The following TRPC6 variants were observed in gnomAD, a reference collection of about 807,000 sequenced individuals.
The protein encoded by TRPC6 is transient receptor potential cation channel subfamily C member 6, also known as short transient receptor potential channel 6.
Under a neutral mutation model 90.7 loss-of-function variants are expected in TRPC6, and 55 were observed. The ratio of observed to expected loss-of-function variants is 0.61; its 90% CI spans 0.49 to 0.76. The LOEUF is 0.76. TRPC6 is among the 30% of genes least tolerant of loss of function. The pLI, the probability that TRPC6 is intolerant of heterozygous loss-of-function variation, is 0.00. For missense variants in TRPC6, 989 were observed against 1,122.7 expected (o/e 0.88, Z 1.70); for synonymous variants, 393 against 393.0 (o/e 1.00, Z 0.00).
chr11:101,521,135 A>T (rs1241591838), intron 1 of TRPC6, among the ~76,000 whole-genome samples: 2 of 152,224 alleles, frequency 1.3e-5, no homozygotes, highest in African/African-American at 4.8e-5. Flanking sequence ...AAAATGCTTC[A>T]AAGGCATTTC....
At position 101,472,261 on chromosome 11, in the gene TRPC6, T is replaced by C. The variant is rs200154450; in HGVS notation, c.2081A>G (p.Asn694Ser). 5.0e-6 allele frequency: 8 copies of C among 1,613,358 alleles called. No individual in the cohort carries two copies. The African/African-American group carries it at 9.3e-5, about 19-fold the overall frequency. The change falls in exon 8 of 13, where the codon AAC becomes AGC. Residue 694 changes from asparagine to serine, a missense_variant. Asn to Ser is a conservative substitution (Grantham distance 46, BLOSUM62 1). Transcript: ENST00000344327. ...GLSEVKSVVI[N>S]YNHKFIENIG... is the part of the protein sequence containing the mutation. ...GTTTTCAATGAATTTGTGGTTATAG[T>C]TGATGACCACTGATTTCACTTCAGA...
chr11:101,536,160 G>T (rs1200427612), intron 1 of TRPC6, among the ~76,000 whole-genome samples: 3 of 152,200 alleles, frequency 2.0e-5, no homozygotes. Flanking sequence ...GCCAAGATGG[G>T]CGGATCATCT....
chr11:101,477,867 T>C (rs1859450949), intron 5 of TRPC6, among the ~76,000 whole-genome samples: 1 of 152,226 alleles, frequency 6.6e-6, no homozygotes, highest in African/African-American at 2.4e-5. Context: ...TGTATTTTTT[T>C]CTTAATTTGA....
chr11:101,541,930 A>G (rs1861181972), intron 1 of TRPC6, among the ~76,000 whole-genome samples: 1 of 152,218 alleles, frequency 6.6e-6, no homozygotes, highest in Non-Finnish European at 1.5e-5. Flanking sequence ...CTTGAAATAT[A>G]TACTATGTCT....
intron 5 of TRPC6, among the ~76,000 whole-genome samples, chr11:101,478,853 C>T (rs1010098840): frequency 4.6e-5 from 7 of 152,154 alleles, no homozygotes; most frequent in African/African-American, 1.7e-4. Flanking sequence ...GAGTCAGCTC[C>T]CTCTGCCTTC....
chr11:101,516,104 C>T (rs920754207), intron 1 of TRPC6, among the ~76,000 whole-genome samples: 2 of 81,002 alleles, frequency 2.5e-5, no homozygotes, highest in Admixed American at 1.1e-4. Flanking sequence ...TAAAATGCAG[C>T]TGGGAAAAAA....
intron 3 of TRPC6, among the ~76,000 whole-genome samples, chr11:101,489,751 GAATATTAAAAAGTTACAATATTTAATATT>G (rs1312840985): frequency 1.3e-4 from 19 of 151,552 alleles, no homozygotes; most frequent in Non-Finnish European, 2.4e-4. Context: ...AATTGGTAAA[GAATATTAAAAAGTTACAATATTTAATATT>G]AATATTAAAA....
At chr11:101,575,860 G>C (rs10501985) in intron 1 of TRPC6, among the ~76,000 whole-genome samples, 53,183 of 151,990 alleles carry the variant, frequency 0.35, 10,135 homozygotes, top group Non-Finnish European at 0.44. Flanking sequence ...AAGGAATGTT[G>C]GTTCAGTAGA....
At chr11:101,556,867 G>A (rs1861571869) in intron 1 of TRPC6, among the ~76,000 whole-genome samples, 1 of 152,140 alleles carries the variant, frequency 6.6e-6, no homozygotes, top group Non-Finnish European at 1.5e-5. Flanking sequence ...CCATGATCAG[G>A]TGGGATTAAT....
In TRPC6 at chr11:101,504,497, G is replaced by C; in HGVS notation, c.472C>G (p.Leu158Val). The C allele has an allele frequency of 6.2e-7, 1 of 1,614,086 alleles. No individual in the cohort carries two copies. The highest frequency in any genetic ancestry group is 1.7e-5 in the Admixed American group (1 of 59,990). ...ITELLLKKEN[L>V]SRVGDALLLA... The stretch of plus-strand genomic sequence containing the variant: ...AGCAAAGCATCCCCAACTCGAGAGA[G>C]GTTTTCTTTCTTGAGAAGAAGTTCT... Residue 158 changes from leucine to valine, a missense_variant, in exon 2 of 13, where the codon CTC becomes GTC. Leu to Val is a conservative substitution (Grantham distance 32). Transcript: ENST00000344327.
At chr11:101,518,717 T>C (rs1300367738) in intron 1 of TRPC6, among the ~76,000 whole-genome samples, 2 of 152,170 alleles carry the variant, frequency 1.3e-5, no homozygotes, top group African/African-American at 4.8e-5. Flanking sequence ...GAAATCAGTA[T>C]ATCAAAGAGG....
At chr11:101,482,673 CT>C (rs1859578829) in intron 5 of TRPC6, among the ~76,000 whole-genome samples, 1 of 152,124 alleles carries the variant, frequency 6.6e-6, no homozygotes, top group Non-Finnish European at 1.5e-5. Context: ...AGTATAATAG[CT>C]TTTTGTCACT....
Position 101,472,198 on chromosome 11 carries a change from A to G in TRPC6, c.2144T>C (p.Met715Thr). 1.2e-6 allele frequency: 2 copies of G among 1,612,860 alleles called. No homozygotes were observed. Among genetic ancestry groups the G allele is most frequent in the Non-Finnish European group, 1.7e-6 (2 of 1,179,486 alleles). Residue 715 changes from methionine (M) to threonine (T), a missense_variant, in exon 8 of 13, where the codon ATG (methionine) becomes ACG (threonine). Met to Thr is a moderately conservative substitution (Grantham distance 81, BLOSUM62 -1). Around this residue, in one of 4 missense-constraint regions of TRPC6, gnomAD observed 118 missense variants for 197.6 expected, o/e 0.60. Transcript: ENST00000344327. ...TAACATATTTAGCAAAACAATGACCATCGTAACATTATAGACTCCATAAAG... is the reference window on the plus strand; with the variant it reads ...TAACATATTTAGCAAAACAATGACCGTCGTAACATTATAGACTCCATAAAG... ...YVLYGVYNVT[M>T]VIVLLNMLIA...
At chr11:101,530,955 TG>T (rs919244560) in intron 1 of TRPC6, among the ~76,000 whole-genome samples, 6 of 152,088 alleles carry the variant, frequency 3.9e-5, no homozygotes, top group African/African-American at 1.4e-4. Context: ...GTGGGGGATA[TG>T]GGGAGGTGTT....
chr11:101,474,886 T>A (rs1565208306), intron 6 of TRPC6, among the ~76,000 whole-genome samples: 1 of 152,208 alleles, frequency 6.6e-6, no homozygotes, highest in African/African-American at 2.4e-5. Flanking sequence ...TAAATTGGGA[T>A]GAATAACTGG....
At chr11:101,482,261 G>T (rs1227169939) in intron 5 of TRPC6, among the ~76,000 whole-genome samples, 3 of 152,154 alleles carry the variant, frequency 2.0e-5, no homozygotes, top group Non-Finnish European at 2.9e-5. Context: ...GCACTTAACA[G>T]CCACTGGATT....
chr11:101,479,409 A>G (rs1208226030), intron 5 of TRPC6, among the ~76,000 whole-genome samples: 1 of 152,102 alleles, frequency 6.6e-6, no homozygotes, highest in East Asian at 1.9e-4. Flanking sequence ...ATGTCCTCTC[A>G]TTGATTTGAG....
intron 1 of TRPC6, among the ~76,000 whole-genome samples, chr11:101,537,931 T>C (rs1192934121): frequency 2.0e-5 from 3 of 152,206 alleles, no homozygotes; most frequent in Non-Finnish European, 4.4e-5. Context: ...ACCATCAATA[T>C]GTAGTTTTAA....
chr11:101,482,893 T>TTCAG, intron 5 of TRPC6, 56 bp downstream of exon 5: 1 of 1,539,916 alleles, frequency 6.5e-7, no homozygotes, highest in Non-Finnish European at 9.0e-7. Flanking sequence ...ATCAGTGTCA[T>TTCAG]TCAGTCCAAC....
Sources: gnomAD v4.1 joint callset for allele counts (sites outside exome capture counted in the v4.1 genomes callset) on GRCh38, gnomAD v4.1.1 for gene constraint, gnomAD v4.1.1 regional missense constraint, MANE v1.5 for transcripts, NCBI Gene and HGNC (gene_info 2026-07-23, HGNC 2026-07-21) for gene names.